TBXAS1: variants seen among roughly 807,000 people sequenced by gnomAD.
TBXAS1 encodes thromboxane-A synthase.
A neutral mutation model predicts 60.7 loss-of-function variants in TBXAS1; 48 were observed. The observed-to-expected ratio is 0.79, with a 90% CI of 0.63 to 1.01. The LOEUF (loss-of-function observed/expected upper bound fraction) is 1.01. TBXAS1 is among the 50% of genes least tolerant of loss of function. The pLI, the probability that TBXAS1 is intolerant of heterozygous loss-of-function variation, is 0.00. For missense variants in TBXAS1, 685 were observed against 686.3 expected (o/e 1.00, Z 0.02); for synonymous variants, 287 against 269.7 (o/e 1.06, Z -0.63).
chr7:140,014,932 A>G lies in TBXAS1; in HGVS notation c.1227-791A>G, dbSNP rs538212487. ...TCAAAAAAAAAGAAGAAGAAGAAAG[A>G]AGGAGGAGGAGGAGAAGAAGAAGAG... On this transcript the variant is annotated intron_variant, in intron 10 of 12. Transcript: ENST00000448866. Among the ~76,000 whole-genome samples, 209 of 142,028 alleles carry G rather than the reference A, an allele frequency of 1.5e-3. 3 individuals are homozygous for G. Among genetic ancestry groups the G allele is most frequent in the African/African-American group, 5.1e-3 (190 of 37,276 alleles). The allele number at this position is 142,028 out of a possible 152,430, so 93.2% of individuals were successfully genotyped here.
chr7:139,944,036 A>C (rs1808498900), intron 5 of TBXAS1, among the ~76,000 whole-genome samples: 1 of 152,230 alleles, frequency 6.6e-6, no homozygotes, highest in Non-Finnish European at 1.5e-5. Context: ...AAGGTCAACA[A>C]ATATTTATTA....
At chr7:139,966,647 C>T (rs1444410005) in intron 9 of TBXAS1, among the ~76,000 whole-genome samples, 2 of 152,194 alleles carry the variant, frequency 1.3e-5, no homozygotes, top group Non-Finnish European at 2.9e-5. Context: ...CTTAAATGTG[C>T]TCTGATGAAT....
In TBXAS1 at chr7:139,809,248, TAGATA is replaced by T. The variant is rs1569493113; in HGVS notation, c.-79-20063_-79-20059del. ...GATAGATAGATGATAGATAGATAGATAGATAGATAGATAGATAGATAGAACCAATA... is the reference window on the plus strand; with the variant it reads ...GATAGATAGATGATAGATAGATAGATGATAGATAGATAGATAGAACCAATA... On this transcript the variant is annotated intron_variant, in intron 4 of 16. Coordinates refer to the TBXAS1 transcript ENST00000336425. Among the ~76,000 whole-genome samples the T allele has an allele frequency of 1.1e-3, 166 of 145,702 alleles. 1 individual carries two copies. The highest frequency in any genetic ancestry group is 4.2e-3 in the African/African-American group (159 of 37,924).
At chr7:139,813,805 T>C (rs1029667567) in intron 4 of TBXAS1, among the ~76,000 whole-genome samples, 1 of 152,180 alleles carries the variant, frequency 6.6e-6, no homozygotes, top group African/African-American at 2.4e-5. Context: ...TCTGCCAAAA[T>C]GAGGTGTGAA....
Position 139,829,421 on chromosome 7 carries a change from G to C in TBXAS1, c.31G>C (p.Val11Leu), listed in dbSNP as rs758831195. Residue 11 changes from valine (V) to leucine (L), a missense_variant, in exon 1 of 13, where the codon GTG becomes CTG. Transcript: ENST00000448866. ...AGCCTTGGGGTTTCTAAAATTGGAA[G>C]TGAATGGCCCCATGGTGACGGTGGC... MEALGFLKLEVNGPMVTVALS... is the reference protein window; with the variant it reads MEALGFLKLELNGPMVTVALS... The C allele has an allele frequency of 4.0e-5, 64 of 1,613,890 alleles. No homozygotes were observed. The highest frequency in any genetic ancestry group is 5.2e-5 in the Non-Finnish European group (61 of 1,179,978).
chr7:139,954,681 C>A (rs1041213929), intron 6 of TBXAS1, among the ~76,000 whole-genome samples: 1 of 152,162 alleles, frequency 6.6e-6, no homozygotes, highest in Non-Finnish European at 1.5e-5. Flanking sequence ...TCTGACTACT[C>A]CTATAAGATA....
chr7:139,954,150 T>C (rs1809653755), intron 6 of TBXAS1, among the ~76,000 whole-genome samples: 1 of 152,182 alleles, frequency 6.6e-6, no homozygotes, highest in Non-Finnish European at 1.5e-5. Flanking sequence ...TTATGCCAAA[T>C]CATGGCTTAC....
intron 9 of TBXAS1, among the ~76,000 whole-genome samples, chr7:139,990,764 C>G (rs534238018): frequency 2.6e-5 from 4 of 151,706 alleles, no homozygotes; most frequent in African/African-American, 4.9e-5. Flanking sequence ...TGACCTCTAC[C>G]CCTGGCTGCC....
chr7:139,870,559 A>C (rs1374925512), intron 1 of TBXAS1, among the ~76,000 whole-genome samples: 1 of 152,234 alleles, frequency 6.6e-6, no homozygotes, highest in Non-Finnish European at 1.5e-5. Context: ...TGTGCTGTCA[A>C]CCTTCGGTAC....
At chr7:139,985,304 C>T (rs1465580730) in intron 9 of TBXAS1, among the ~76,000 whole-genome samples, 2 of 152,188 alleles carry the variant, frequency 1.3e-5, no homozygotes, top group African/African-American at 2.4e-5. Flanking sequence ...TGCCCATCCA[C>T]CCCCCACCCC....
chr7:139,831,253 C>T (rs1347042739), intron 1 of TBXAS1, among the ~76,000 whole-genome samples: 1 of 152,132 alleles, frequency 6.6e-6, no homozygotes, highest in Non-Finnish European at 1.5e-5. Context: ...GGAGCAGAGG[C>T]AGCAGGAGAG....
At chr7:139,843,320 CTTTATTTATTTATTTATTTATTTA>C (rs3070196) in intron 1 of TBXAS1, among the ~76,000 whole-genome samples, 2 of 147,774 alleles carry the variant, frequency 1.4e-5, no homozygotes, top group African/African-American at 5.0e-5. Flanking sequence ...TACTACTTTA[CTTTATTTATTTATTTATTTATTTA>C]TTTATTTATT....
At position 139,947,305 on chromosome 7, in the gene TBXAS1, A is replaced by C. The variant is rs189166394; in HGVS notation, c.451-6063A>C. ...TGGAGGCCATTATCCTCAGCTAACT[A>C]ACACAGGAACAGAAAACCGAACACC... On this transcript the variant is annotated intron_variant, in intron 5 of 12. Coordinates refer to ENST00000448866, the MANE Select transcript of TBXAS1 (RefSeq NM_001061.7). Among the ~76,000 whole-genome samples the C allele has an allele frequency of 3.5e-3, 532 of 152,340 alleles. 4 individuals are homozygous for C. Among genetic ancestry groups the C allele is most frequent in the African/African-American group, 0.012 (515 of 41,570 alleles).
In TBXAS1 at chr7:139,905,039, C is replaced by CTTTCTTTT. The variant is rs1554487192; in HGVS notation, c.237-6179_237-6178insTTTTCTTT. Among the ~76,000 whole-genome samples, 349 of 86,556 alleles carry CTTTCTTTT rather than the reference C, an allele frequency of 4.0e-3. 2 individuals carry two copies. Among genetic ancestry groups the CTTTCTTTT allele is most frequent in the Non-Finnish European group, 5.1e-3 (232 of 45,154 alleles). The allele number at this position is 86,556 out of a possible 152,430, so 56.8% of individuals were successfully genotyped here. ...TCTTTCTTTCTTTCTTTCTTTCTTT[C>CTTTCTTTT]TTTCTTTCTTTCTTTCTTTCTCTCT... On this transcript the variant is annotated intron_variant, in intron 3 of 12. Coordinates refer to ENST00000448866, the MANE Select transcript of TBXAS1 (RefSeq NM_001061.7).
At chr7:139,791,691 G>T (rs1356692097) in intron 4 of TBXAS1, among the ~76,000 whole-genome samples, 2 of 152,088 alleles carry the variant, frequency 1.3e-5, no homozygotes, top group African/African-American at 4.8e-5. Flanking sequence ...CTAGTGAAAG[G>T]TGCAGGCGGC....
intron 9 of TBXAS1, among the ~76,000 whole-genome samples, chr7:139,986,755 ATGTGTGTGTGTGTG>A (rs72102720): frequency 5.0e-5 from 4 of 79,754 alleles, no homozygotes; most frequent in South Asian, 4.5e-4. Flanking sequence ...ATATATATAT[ATGTGTGTGTGTGTG>A]TGTGTGTGTG....
At chr7:139,919,610 A>G (rs936817871) in intron 4 of TBXAS1, among the ~76,000 whole-genome samples, 5 of 152,210 alleles carry the variant, frequency 3.3e-5, no homozygotes, top group Non-Finnish European at 4.4e-5. Flanking sequence ...TCTCCCGATA[A>G]TACATGAACC....
At chr7:139,923,921 C>T (rs964841075) in intron 4 of TBXAS1, among the ~76,000 whole-genome samples, 2 of 152,124 alleles carry the variant, frequency 1.3e-5, no homozygotes, top group African/African-American at 4.8e-5. Flanking sequence ...TGGCTTATTT[C>T]GTTTAACAAA....
At chr7:139,954,815 T>G (rs1460447360) in intron 6 of TBXAS1, among the ~76,000 whole-genome samples, 1 of 152,208 alleles carries the variant, frequency 6.6e-6, no homozygotes, top group Non-Finnish European at 1.5e-5. Context: ...TAAAGCACAA[T>G]GTATGTTTTC....
Sources: gnomAD v4.1 joint callset for allele counts (sites outside exome capture counted in the v4.1 genomes callset) on GRCh38, gnomAD v4.1.1 for gene constraint, MANE v1.5 for transcripts, NCBI Gene and HGNC (gene_info 2026-07-23, HGNC 2026-07-21) for gene names.